GAD2: variants seen among roughly 807,000 people sequenced by gnomAD.
GAD2 encodes the protein 65 kDa glutamic acid decarboxylase.
Under a neutral mutation model 80.1 loss-of-function variants are expected in GAD2, and 22 were observed. The observed-to-expected ratio is 0.27, with a 90% CI of 0.20 to 0.39. GAD2 has a LOEUF of 0.39. Ranked by LOEUF, GAD2 falls within the 10% of genes least tolerant of loss-of-function variation. The pLI is 1.00. For synonymous variants in GAD2, 274 were observed against 256.9 expected (o/e 1.07, Z -0.64); for missense variants, 624 against 738.4 (o/e 0.85, Z 1.80).
chr10:26,298,647 G>A (rs1235809522), intron 15 of GAD2, among the ~76,000 whole-genome samples: 2 of 152,166 alleles, frequency 1.3e-5, no homozygotes, highest in Non-Finnish European at 1.5e-5. Context: ...AATTTACTGA[G>A]TAAAGCTCTG....
At chr10:26,255,779 T>C (rs776401973) in intron 8 of GAD2, among the ~76,000 whole-genome samples, 10 of 152,126 alleles carry the variant, frequency 6.6e-5, no homozygotes, top group South Asian at 2.1e-4. Flanking sequence ...TTGACTAAAA[T>C]TGTGTAGGAT....
intron 7 of GAD2, among the ~76,000 whole-genome samples, chr10:26,230,801 C>T (rs1051820738): frequency 3.3e-5 from 5 of 151,892 alleles, no homozygotes; most frequent in Non-Finnish European, 7.4e-5. Context: ...AAAGAAATAG[C>T]ACCGTACCAG....
chr10:26,301,708 T>A lies in GAD2; in HGVS notation c.*747T>A, dbSNP rs1437946159. ...CTTATCACATCTCTAAAGTTAGTAT[T>A]TCAAGACAAACACAAAAGAATACTG... is the stretch of plus-strand genomic sequence containing the variant. On this transcript the variant is annotated 3_prime_UTR_variant, in exon 16 of 16. Coordinates refer to ENST00000376261, the MANE Select transcript of GAD2 (RefSeq NM_001134366.2). The A allele has an allele frequency of 1.3e-5, 2 of 152,186 alleles. No homozygotes were observed. The highest frequency in any genetic ancestry group is 1.5e-5 in the Non-Finnish European group (1 of 68,032). The allele number at this position is 152,186 out of a possible 1,614,324, so 9.4% of individuals were successfully genotyped here.
chr10:26,235,201 T>C (rs1844657268), intron 7 of GAD2, among the ~76,000 whole-genome samples: 1 of 152,202 alleles, frequency 6.6e-6, no homozygotes, highest in Non-Finnish European at 1.5e-5. Flanking sequence ...GCTAATTTCC[T>C]GATCTACTGA....
intron 4 of GAD2, among the ~76,000 whole-genome samples, chr10:26,220,650 G>A (rs6482537): frequency 0.13 from 19,098 of 152,068 alleles, 3,989 homozygotes; most frequent in African/African-American, 0.43. Flanking sequence ...TGCAATCCTG[G>A]GTGATGCTTT....
intron 8 of GAD2, among the ~76,000 whole-genome samples, chr10:26,249,971 G>T (rs760011151): frequency 6.6e-6 from 1 of 151,886 alleles, no homozygotes; most frequent in Admixed American, 6.5e-5. Context: ...CGGGACCTAC[G>T]ATCAGTGACT....
At chr10:26,263,841 A>G (rs942934742) in intron 8 of GAD2, among the ~76,000 whole-genome samples, 2 of 152,182 alleles carry the variant, frequency 1.3e-5, no homozygotes, top group Non-Finnish European at 2.9e-5. Context: ...AATTGGGGTC[A>G]CTGGACCGCT....
chr10:26,259,025 T>C (rs1215657719), intron 8 of GAD2, among the ~76,000 whole-genome samples: 1 of 152,112 alleles, frequency 6.6e-6, no homozygotes, highest in East Asian at 1.9e-4. Flanking sequence ...ACCATATTGG[T>C]CAGGCTGGTC....
At chr10:26,297,283 C>T (rs925500310) in intron 15 of GAD2, among the ~76,000 whole-genome samples, 8 of 152,156 alleles carry the variant, frequency 5.3e-5, no homozygotes, top group African/African-American at 1.7e-4. Context: ...AGAAATTTCT[C>T]GCAGTCTTCC....
chr10:26,231,070 A>T (rs191570164), intron 7 of GAD2, among the ~76,000 whole-genome samples: 36 of 152,308 alleles, frequency 2.4e-4, no homozygotes, highest in Non-Finnish European at 4.3e-4. Flanking sequence ...AGCCTGGGCA[A>T]CAGAGCCACA....
intron 6 of GAD2, among the ~76,000 whole-genome samples, chr10:26,226,948 A>G (rs1483751821): frequency 6.6e-6 from 1 of 152,200 alleles, no homozygotes; most frequent in Non-Finnish European, 1.5e-5. Flanking sequence ...TTTCCTAGCT[A>G]ACAGGGTTTT....
At chr10:26,222,654 C>T (rs1418540478) in intron 4 of GAD2, among the ~76,000 whole-genome samples, 1 of 152,188 alleles carries the variant, frequency 6.6e-6, no homozygotes, top group African/African-American at 2.4e-5. Flanking sequence ...GGAGAATGTA[C>T]AATAGATACA....
intron 8 of GAD2, among the ~76,000 whole-genome samples, chr10:26,260,522 G>A (rs1844996446): frequency 6.6e-6 from 1 of 152,122 alleles, no homozygotes; most frequent in African/African-American, 2.4e-5. Flanking sequence ...CAGCTACTCG[G>A]GAGGCTGAGG....
At chr10:26,268,604 A>T (rs893090957) in intron 8 of GAD2, among the ~76,000 whole-genome samples, 1 of 152,178 alleles carries the variant, frequency 6.6e-6, no homozygotes, top group African/African-American at 2.4e-5. Flanking sequence ...TGAGCCCATG[A>T]ATTTTTGGCC....
intron 13 of GAD2, among the ~76,000 whole-genome samples, chr10:26,291,997 A>T (rs7068510): frequency 6.6e-6 from 1 of 151,866 alleles, no homozygotes; most frequent in Non-Finnish European, 1.5e-5. Context: ...CACCTACCCA[A>T]TTTTTTCTGT....
intron 4 of GAD2, among the ~76,000 whole-genome samples, chr10:26,223,453 A>T (rs148884280): frequency 1.3e-4 from 20 of 152,312 alleles, no homozygotes; most frequent in African/African-American, 4.6e-4. Context: ...GAACGACTAC[A>T]AAAAAGGACT....
chr10:26,246,106 C>T (rs920917680), intron 8 of GAD2, 106 bp downstream of exon 8: 1 of 809,174 alleles, frequency 1.2e-6, no homozygotes, highest in Admixed American at 2.3e-5. Context: ...GCAAGTCCAC[C>T]TCCCTCCCAG....
chr10:26,283,615 C>A (rs778141234), intron 12 of GAD2, among the ~76,000 whole-genome samples: 24 of 152,338 alleles, frequency 1.6e-4, no homozygotes, highest in East Asian at 3.9e-4. Context: ...TTAAACCACA[C>A]CTGCCATGCT....
intron 12 of GAD2, among the ~76,000 whole-genome samples, chr10:26,282,142 C>T (rs1363752464): frequency 6.6e-6 from 1 of 152,024 alleles, no homozygotes; most frequent in Non-Finnish European, 1.5e-5. Flanking sequence ...AGGGTTTTCA[C>T]ATGTTGGCCA....
Sources: gnomAD v4.1 joint callset for allele counts (sites outside exome capture counted in the v4.1 genomes callset) on GRCh38, gnomAD v4.1.1 for gene constraint, MANE v1.5 for transcripts, NCBI Gene and HGNC (gene_info 2026-07-23, HGNC 2026-07-21) for gene names.